RHOT1: variants seen among roughly 807,000 people sequenced by gnomAD.
RHOT1 encodes ras homolog family member T1.
A neutral mutation model predicts 95.3 loss-of-function variants in RHOT1; 27 were observed. That is an observed-to-expected ratio of 0.28 (90% CI 0.21 to 0.39). The LOEUF is 0.39. RHOT1 is among the 10% of genes least tolerant of loss of function. The pLI, the probability that RHOT1 is intolerant of heterozygous loss-of-function variation, is 1.00. For missense variants in RHOT1, 578 were observed against 786.7 expected, an observed-to-expected ratio of 0.73 and a Z score of 3.17; for synonymous variants, 227 against 263.5, an observed-to-expected ratio of 0.86 and a Z score of 1.34.
chr17:32,158,807 G>A (rs2033239100), intron 1 of RHOT1, among the ~76,000 whole-genome samples: 1 of 152,134 alleles, frequency 6.6e-6, no homozygotes, highest in South Asian at 2.1e-4. Context: ...CAGAGCTCAC[G>A]TACCCTCTGA....
intron 17 of RHOT1, 40 bp from the exon 18 acceptor site, chr17:32,208,067 A>G (rs755419004): frequency 1.7e-5 from 26 of 1,546,182 alleles, no homozygotes; most frequent in Non-Finnish European, 2.2e-5. Flanking sequence ...GTAATTTTTG[A>G]ACTTGTTATC....
chr17:32,149,832 T>C (rs1051190179), intron 1 of RHOT1, among the ~76,000 whole-genome samples: 37 of 151,814 alleles, frequency 2.4e-4, no homozygotes, highest in African/African-American at 8.9e-4. Flanking sequence ...CACTGTAACC[T>C]CCGCCTCCTG....
rs922674115 is a variant in RHOT1 at position 32,199,115 on chromosome 17, A to G, written c.954+84A>G. ...ATAACTCTGTTCCCTGAGCTATGGG[A>G]TGTGTATGTTACATAGCCAAAAACT... is the stretch of plus-strand genomic sequence containing the variant. On this transcript the variant is annotated intron_variant, in intron 12 of 19. Coordinates refer to ENST00000545287, the MANE Select transcript of RHOT1 (RefSeq NM_001033566.3). The G allele has an allele frequency of 1.6e-5, 18 of 1,107,890 alleles. No homozygotes were observed. In the African/African-American group the frequency reaches 2.8e-4, roughly 17 times the overall value. The allele number at this position is 1,107,890 out of a possible 1,614,324, so 68.6% of individuals were successfully genotyped here.
intron 1 of RHOT1, among the ~76,000 whole-genome samples, chr17:32,145,208 G>A (rs140266696): frequency 6.6e-6 from 1 of 152,116 alleles, no homozygotes; most frequent in African/African-American, 2.4e-5. Flanking sequence ...GCTAAGGCAG[G>A]AGAATGGCTT....
rs201880744 is a variant in RHOT1, at chr17:32,153,234, A to G, written c.37+10505A>G. Among the ~76,000 whole-genome samples, 4 of 152,260 alleles carry G rather than the reference A, an allele frequency of 2.6e-5. No individual in the cohort carries two copies. In the East Asian group the frequency reaches 5.8e-4, roughly 22 times the overall value. On this transcript the variant is annotated intron_variant, in intron 1 of 19. Transcript: ENST00000545287. ...TTCTGAAAAGGGGATTATGAGAAGA[A>G]TCAGGGTCTTAAGCATATTAAGGTA...
intron 8 of RHOT1, among the ~76,000 whole-genome samples, chr17:32,188,976 C>G (rs1272033714): frequency 6.6e-6 from 1 of 152,156 alleles, no homozygotes; most frequent in Non-Finnish European, 1.5e-5. Flanking sequence ...CTTACCTCAT[C>G]GTAATAGTCA....
chr17:32,214,894 C>CT (rs551151153), intron 19 of RHOT1, among the ~76,000 whole-genome samples: 1,163 of 52,846 alleles, frequency 0.022, 347 homozygotes, highest in African/African-American at 0.04. Context: ...AAAGGCTTGT[C>CT]TTTTTTTTTT....
intron 1 of RHOT1, chr17:32,159,568 T>C (rs2033335735): frequency 6.6e-6 from 1 of 152,654 alleles, no homozygotes; most frequent in African/African-American, 2.4e-5. Context: ...CTGCTCCTGC[T>C]GCCTGGCCTC....
In RHOT1 at chr17:32,224,727, G is replaced by A. The variant is rs2039041077; in HGVS notation, c.1974G>A (p.Gln658=). 6.3e-7 allele frequency: 1 copy of A among 1,595,200 alleles called. No individual in the cohort carries two copies. Among genetic ancestry groups the A allele is most frequent in the South Asian group, 1.1e-5 (1 of 89,504 alleles). The change falls in exon 20 of 20, where the codon CAG becomes CAA. Residue 658 remains glutamine, a synonymous_variant. Coordinates refer to ENST00000545287, the MANE Select transcript of RHOT1 (RefSeq NM_001033566.3). ...CTATGTACAAAGCATTATTGAAACA[G>A]CGATGATATAAAAAGAAATACTGTC... ...GFAMYKALLK[Q]R is the part of the protein sequence containing the mutation.
In RHOT1 at chr17:32,224,729, G is replaced by A. The variant is rs747726637; in HGVS notation, c.1976G>A (p.Arg659Gln). 9.4e-6 allele frequency: 15 copies of A among 1,592,378 alleles called. No homozygotes were observed. Among genetic ancestry groups the A allele is most frequent in the Middle Eastern group, 1.7e-4 (1 of 6,018 alleles). ...ATGTACAAAGCATTATTGAAACAGC[G>A]ATGATATAAAAAGAAATACTGTCCC... ...FAMYKALLKQ[R>Q] Residue 659 changes from arginine to glutamine, a missense_variant, in exon 20 of 20, where the codon CGA (arginine) becomes CAA (glutamine). This residue lies in a region of RHOT1 where 296 missense variants were observed against 338.5 expected (regional missense o/e 0.87). Coordinates refer to ENST00000545287, the MANE Select transcript of RHOT1 (RefSeq NM_001033566.3).
chr17:32,160,356 C>G (rs1407575513), intron 1 of RHOT1: 2 of 152,280 alleles, frequency 1.3e-5, no homozygotes, highest in Non-Finnish European at 2.9e-5. Flanking sequence ...CAGTAAAGCT[C>G]CTGTTTGTCT....
intron 2 of RHOT1, 87 bp from the exon 3 acceptor site, chr17:32,173,744 T>C (rs979064600): frequency 2.0e-5 from 18 of 882,062 alleles, no homozygotes; most frequent in Non-Finnish European, 7.3e-6. Context: ...ACTCAACCTG[T>C]GTAGATAAAT....
At chr17:32,169,409 AGTT>A (rs2034381660) in intron 1 of RHOT1, among the ~76,000 whole-genome samples, 2 of 152,354 alleles carry the variant, frequency 1.3e-5, no homozygotes, top group Admixed American at 6.5e-5. Context: ...TCATAATAAA[AGTT>A]AAGATTTTAA....
rs151005753 is a variant in RHOT1 at position 32,157,999 on chromosome 17, A to G, written c.38-13044A>G. Among the ~76,000 whole-genome samples, 179 of 152,100 alleles carry G rather than the reference A, an allele frequency of 1.2e-3. 1 individual carries two copies. Among genetic ancestry groups the G allele is most frequent in the African/African-American group, 3.7e-3 (153 of 41,496 alleles). ...ATCCTCCCACCTCAGCCTCCTGAGT[A>G]TCTAGGAATCCAGGCCCTGCTAGTT... On this transcript the variant is annotated intron_variant, in intron 1 of 19. Transcript: ENST00000545287.
intron 15 of RHOT1, 41 bp downstream of exon 15, chr17:32,202,941 T>G (rs2037428881): frequency 6.3e-7 from 1 of 1,585,024 alleles, no homozygotes; most frequent in Non-Finnish European, 8.6e-7. Context: ...CAACAAATTT[T>G]TATAGTTACT....
At chr17:32,153,014 C>A (rs2032514918) in intron 1 of RHOT1, among the ~76,000 whole-genome samples, 1 of 152,148 alleles carries the variant, frequency 6.6e-6, no homozygotes, top group Non-Finnish European at 1.5e-5. Flanking sequence ...GTTGTCCAGG[C>A]TGGTCTAGAA....
chr17:32,189,736 C>CTTTTTTTTTTTTTTTTTTT (rs71362807), intron 8 of RHOT1, among the ~76,000 whole-genome samples: 3 of 124,396 alleles, frequency 2.4e-5, no homozygotes, highest in African/African-American at 9.5e-5. Context: ...CTTTTCTTTT[C>CTTTTTTTTTTTTTTTTTTT]TTTTTTTTTT....
chr17:32,183,294 G>A (rs1324678504), intron 8 of RHOT1, 22 bp downstream of exon 8: 1 of 1,332,216 alleles, frequency 7.5e-7, no homozygotes, highest in South Asian at 2.0e-5. Context: ...TGTTTATAGG[G>A]GCTGGAATGT....
intron 8 of RHOT1, among the ~76,000 whole-genome samples, chr17:32,188,026 G>A (rs1251999752): frequency 6.6e-6 from 1 of 152,178 alleles, no homozygotes; most frequent in Non-Finnish European, 1.5e-5. Context: ...GTGCTGCAAA[G>A]GCAAAGTTTA....
Sources: gnomAD v4.1 joint callset for allele counts (sites outside exome capture counted in the v4.1 genomes callset) on GRCh38, gnomAD v4.1.1 for gene constraint, gnomAD v4.1.1 regional missense constraint, MANE v1.5 for transcripts, NCBI Gene and HGNC (gene_info 2026-07-23, HGNC 2026-07-21) for gene names.